MSR1: variants seen among roughly 807,000 people sequenced by gnomAD.
MSR1 encodes macrophage scavenger receptor 1, also known as macrophage scavenger receptor types I and II.
MSR1 carries 53 observed loss-of-function variants against 47.2 expected under a neutral mutation model. The ratio of observed to expected loss-of-function variants is 1.12; its 90% CI spans 0.90 to 1.41. MSR1 has a LOEUF of 1.41. MSR1 is among the 40% of genes most tolerant of loss of function. The pLI is 0.00. For synonymous variants in MSR1, 239 were observed against 185.6 expected (o/e 1.29, Z -2.34); for missense variants, 786 against 546.9 (o/e 1.44, Z -4.36).
rs757233167 is a variant in MSR1 at position 16,110,217 on chromosome 8, A to G, written c.1224T>C (p.Gly408=). The G allele has an allele frequency of 6.2e-7, 1 of 1,613,398 alleles. No homozygotes were observed. Among genetic ancestry groups the G allele is most frequent in the Non-Finnish European group, 8.5e-7 (1 of 1,179,516 alleles). ...AVHKAAHFGQ[G]TGPIWLNEVF... ...CTTCATTCAGCCATATTGGACCAGT[A>G]CCTGCAATAATGAGGTATAACTGCA... is the stretch of plus-strand genomic sequence containing the variant. The change falls in exon 10 of 10, where the codon GGT becomes GGC. Residue 408 remains glycine (G), a splice_region_variant and synonymous_variant. Coordinates refer to ENST00000262101, the MANE Select transcript of MSR1 (RefSeq NM_138715.3).
Position 16,164,185 on chromosome 8 carries a change from G to T in MSR1, c.697C>A (p.Gln233Lys), listed in dbSNP as rs756885267. 23 of 1,612,130 alleles carry T rather than the reference G, an allele frequency of 1.4e-5. No individual in the cohort carries two copies. The highest frequency in any genetic ancestry group is 3.3e-5 in the Admixed American group (2 of 59,920). The change falls in exon 5 of 10, where the codon CAA (glutamine) becomes AAA (lysine). Residue 233 changes from glutamine (Q) to lysine (K), a missense_variant. Transcript: ENST00000262101. ...TTTATTTCCTGTTCCAAATGCACTT[G>T]TTCTTCTTTCATAGCCATAATTTCT... Reference protein sequence around the residue: ...SAEIMAMKEEQVHLEQEIKGE... With the variant: ...SAEIMAMKEEKVHLEQEIKGE...
chr8:16,181,707 G>C (rs1363458429), intron 1 of MSR1, among the ~76,000 whole-genome samples: 1 of 151,776 alleles, frequency 6.6e-6, no homozygotes, highest in Non-Finnish European at 1.5e-5. Context: ...TAAATGATGG[G>C]TTGATGGGTG....
At chr8:16,178,554 G>A (rs771051161) in intron 1 of MSR1, among the ~76,000 whole-genome samples, 11 of 151,970 alleles carry the variant, frequency 7.2e-5, no homozygotes, top group South Asian at 2.1e-4. Context: ...TAGTGCCGCC[G>A]CAATAAACAT....
At chr8:16,143,496 C>G in intron 8 of MSR1, 62 bp downstream of exon 8, 3 of 1,449,098 alleles carry the variant, frequency 2.1e-6, no homozygotes, top group Non-Finnish European at 1.9e-6. Flanking sequence ...GCCCAGATCT[C>G]TAGTATCACA....
intron 8 of MSR1, among the ~76,000 whole-genome samples, chr8:16,131,896 G>A (rs1397430367): frequency 6.6e-6 from 1 of 151,760 alleles, no homozygotes; most frequent in Non-Finnish European, 1.5e-5. Context: ...CTGTAGTATA[G>A]TTTGAAGTCA....
At chr8:16,124,874 T>A (rs1800093601) in intron 8 of MSR1, among the ~76,000 whole-genome samples, 1 of 151,594 alleles carries the variant, frequency 6.6e-6, no homozygotes, top group South Asian at 2.1e-4. Context: ...CATTACCCAG[T>A]GAGATTAAAT....
intron 8 of MSR1, among the ~76,000 whole-genome samples, chr8:16,133,630 C>T (rs1057124645): frequency 1.3e-5 from 2 of 152,262 alleles, no homozygotes; most frequent in African/African-American, 2.4e-5. Flanking sequence ...TTGTGAGAAC[C>T]TTTGTTCTTG....
At chr8:16,131,441 G>GTTTTTTTTTT (rs56321577) in intron 8 of MSR1, among the ~76,000 whole-genome samples, 5 of 54,686 alleles carry the variant, frequency 9.1e-5, no homozygotes, top group African/African-American at 2.4e-4. Context: ...TCTGTTGATA[G>GTTTTTTTTTT]TTTTTTTTTT....
chr8:16,161,353 G>T (rs1280045688), intron 5 of MSR1, among the ~76,000 whole-genome samples: 2 of 151,990 alleles, frequency 1.3e-5, no homozygotes, highest in Non-Finnish European at 2.9e-5. Flanking sequence ...CGGGTGGCTA[G>T]TTAAGAAGCA....
At chr8:16,189,407 A>T (rs1166566011) in intron 1 of MSR1, among the ~76,000 whole-genome samples, 1 of 101,612 alleles carries the variant, frequency 9.8e-6, no homozygotes, top group Non-Finnish European at 1.7e-5. Flanking sequence ...TATATATTTT[A>T]TATATATTTT....
At position 16,177,749 on chromosome 8, in the gene MSR1, A is replaced by T. The variant is rs891415509; in HGVS notation, c.103+137T>A. The T allele has an allele frequency of 5.4e-5, 38 of 701,226 alleles. No individual in the cohort carries two copies. In the East Asian group the frequency reaches 6.2e-4, roughly 11 times the overall value. The allele number at this position is 701,226 out of a possible 1,614,324, so 43.4% of individuals were successfully genotyped here. ...TTTAAGCTTATTTTTATTCTGTCTC[A>T]AGAATACCCCTGTTGGTCAAATAAG... On this transcript the variant is annotated intron_variant, in intron 2 of 9. Transcript: ENST00000262101.
In MSR1 at chr8:16,110,159, C is replaced by T. The variant is rs1338959551; in HGVS notation, c.1282G>A (p.Glu428Lys). The change falls in exon 10 of 10, where the codon GAA (glutamate) becomes AAA (lysine). Residue 428 changes from glutamate to lysine, a missense_variant. Coordinates refer to ENST00000262101, the MANE Select transcript of MSR1 (RefSeq NM_138715.3). Reference protein sequence around the residue: ...FCFGRESSIEECKIRQWGTRA... With the variant: ...FCFGRESSIEKCKIRQWGTRA... ...GTCCCCCATTGCCGAATTTTACATT[C>T]TTCAATAGATGATTCTCTCCCAAAA... 4 of 1,613,674 alleles carry T rather than the reference C, an allele frequency of 2.5e-6. No individual in the cohort carries two copies. The South Asian group carries it at 4.4e-5, about 18-fold the overall frequency.
intron 3 of MSR1, 24 bp from the exon 4 acceptor site, chr8:16,168,894 C>T (rs1353676894): frequency 6.2e-7 from 1 of 1,605,932 alleles, no homozygotes; most frequent in Admixed American, 1.7e-5. Flanking sequence ...TAAAAATAAA[C>T]CAGTCATGGC....
At chr8:16,161,499 T>G (rs1234719549) in intron 5 of MSR1, among the ~76,000 whole-genome samples, 1 of 152,032 alleles carries the variant, frequency 6.6e-6, no homozygotes, top group Admixed American at 6.6e-5. Flanking sequence ...ATACTATATA[T>G]GATATGTGTT....
intron 5 of MSR1, 82 bp from the exon 6 acceptor site, chr8:16,155,226 G>A: frequency 2.0e-6 from 2 of 987,980 alleles, no homozygotes; most frequent in Non-Finnish European, 3.2e-6. Flanking sequence ...ACTTATATAA[G>A]GAAATCCAAA....
At chr8:16,190,582 G>A (rs1408086740) in intron 1 of MSR1, among the ~76,000 whole-genome samples, 3 of 151,866 alleles carry the variant, frequency 2.0e-5, no homozygotes, top group African/African-American at 7.3e-5. Flanking sequence ...CATCCCCACA[G>A]GTTTCTTTTA....
chr8:16,120,728 C>T (rs12678689), intron 8 of MSR1, 122 bp from the exon 9 acceptor site: 26,869 of 1,176,128 alleles, frequency 0.023, 1,061 homozygotes, highest in East Asian at 0.13. Context: ...TTCCAAATAA[C>T]TTCAACTATT....
chr8:16,139,589 T>A (rs1239802922), intron 8 of MSR1: 2 of 973,274 alleles, frequency 2.1e-6, no homozygotes, highest in Non-Finnish European at 2.4e-6. Flanking sequence ...AAATATAACA[T>A]GTAATCCCAT....
At chr8:16,128,943 G>A (rs1319773361) in intron 8 of MSR1, among the ~76,000 whole-genome samples, 1 of 152,140 alleles carries the variant, frequency 6.6e-6, no homozygotes, top group East Asian at 1.9e-4. Flanking sequence ...TCCTTTTGGT[G>A]CAGAAATAGT....
Sources: gnomAD v4.1 joint callset for allele counts (sites outside exome capture counted in the v4.1 genomes callset) on GRCh38, gnomAD v4.1.1 for gene constraint, MANE v1.5 for transcripts, NCBI Gene and HGNC (gene_info 2026-07-23, HGNC 2026-07-21) for gene names.